Variants in DIP2A observed in about 807,000 individuals in gnomAD.
DIP2A encodes the protein DIP2 acetate--CoA ligase A.
Under a neutral mutation model 177.4 loss-of-function variants are expected in DIP2A, and 85 were observed. The observed-to-expected ratio is 0.48, with a 90% CI of 0.40 to 0.57. DIP2A has a LOEUF of 0.57. Among genes scored for constraint, DIP2A ranks in the 20% least tolerant of loss-of-function variants. The pLI, the probability that DIP2A is intolerant of heterozygous loss-of-function variation, is 0.00. For missense variants in DIP2A, 1,791 were observed against 2,100.2 expected, an observed-to-expected ratio of 0.85 and a Z score of 2.88; for synonymous variants, 886 against 881.8, an observed-to-expected ratio of 1.00 and a Z score of -0.08.
Position 46,565,871 on chromosome 21 carries a change from C to T in DIP2A, c.4323C>T (p.Leu1441=), listed in dbSNP as rs775561631. ...GYLGFLRRTE[L]TDASGGRHDA... is the part of the protein sequence containing the mutation. ...TTGGCTTCCTTCGGCGAACAGAGCT[C>T]ACTGATGCCAGTGGAGGTGAGGGGT... Residue 1441 remains leucine (L), a synonymous_variant, in exon 36 of 38, where the codon CTC becomes CTT. Transcript: ENST00000417564. 1.9e-6 allele frequency: 3 copies of T among 1,613,808 alleles called. No individual in the cohort carries two copies. Among genetic ancestry groups the T allele is most frequent in the South Asian group, 2.2e-5 (2 of 91,072 alleles).
rs372387821 is a variant in DIP2A at position 46,554,660 on chromosome 21, C to G, written c.3240C>G (p.Leu1080=). 6.3e-7 allele frequency: 1 copy of G among 1,583,250 alleles called. No individual in the cohort carries two copies. Among genetic ancestry groups the G allele is most frequent in the African/African-American group, 1.3e-5 (1 of 74,206 alleles). Residue 1080 remains leucine, a synonymous_variant, in exon 27 of 38, where the codon CTC becomes CTG. Transcript: ENST00000417564. ...VTVRPPHPQN[L]GTTLPTVKMI... is the part of the protein sequence containing the mutation. ...TGCGGCCCCCGCACCCTCAGAACCTCGGCACCACACTGCCCACCGTCAAGA... is the reference window on the plus strand; with the variant it reads ...TGCGGCCCCCGCACCCTCAGAACCTGGGCACCACACTGCCCACCGTCAAGA...
rs1168467907 is a variant in DIP2A at position 46,550,633 on chromosome 21, A to G, written c.2728A>G (p.Ile910Val). Reference protein sequence around the residue: ...LPKAPLGGIHISETKQRFLEG... With the variant: ...LPKAPLGGIHVSETKQRFLEG... ...CAAGGCTCCTCTCGGAGGGATTCAC[A>G]TTTCTGAAACCAAACAGCGCTTTCT... is the stretch of plus-strand genomic sequence containing the variant. The change falls in exon 23 of 38, where the codon ATT becomes GTT. Residue 910 changes from isoleucine (I) to valine (V), a missense_variant. Coordinates refer to ENST00000417564, the MANE Select transcript of DIP2A (RefSeq NM_015151.4). 4 of 1,613,794 alleles carry G rather than the reference A, an allele frequency of 2.5e-6. No individual in the cohort carries two copies. The Admixed American group carries it at 6.7e-5, about 27-fold the overall frequency.
chr21:46,582,774 A>AT, the DIP2A span, among the ~76,000 whole-genome samples: 3 of 152,162 alleles, frequency 2.0e-5, no homozygotes, highest in South Asian at 2.1e-4. Context: ...TTTGCTGGTA[A>AT]TTTTTTTAAC....
chr21:46,529,014 T>A, intron 8 of DIP2A, 78 bp from the exon 9 acceptor site: 1 of 822,206 alleles, frequency 1.2e-6, no homozygotes, highest in Non-Finnish European at 1.8e-6. Context: ...TATTTCGGGG[T>A]ATTTTGGTTT....
intron 21 of DIP2A, chr21:46,547,285 G>A: frequency 1.7e-6 from 2 of 1,207,386 alleles, no homozygotes; most frequent in Non-Finnish European, 2.1e-6. Context: ...TAAAATTTGG[G>A]GCAAAGGCTC....
At chr21:46,510,924 C>G (rs186054791) in intron 7 of DIP2A, among the ~76,000 whole-genome samples, 1 of 152,262 alleles carries the variant, frequency 6.6e-6, no homozygotes, top group African/African-American at 2.4e-5. Flanking sequence ...TGAGCCACCA[C>G]GCCCAGCCTA....
intron 6 of DIP2A, among the ~76,000 whole-genome samples, chr21:46,507,540 A>G (rs1457069783): frequency 1.3e-5 from 2 of 151,818 alleles, no homozygotes; most frequent in Non-Finnish European, 2.9e-5. Flanking sequence ...GGAAGGGTCT[A>G]TTTCTGGGCT....
chr21:46,550,706 G>A lies in DIP2A; in HGVS notation c.2801G>A (p.Cys934Tyr). 6.2e-7 allele frequency: 1 copy of A among 1,614,036 alleles called. No individual in the cohort carries two copies. The highest frequency in any genetic ancestry group is 8.5e-7 in the Non-Finnish European group (1 of 1,179,908). Reference protein sequence around the residue: ...PCNVLMCPHTCVTNLPKPRQK... With the variant: ...PCNVLMCPHTYVTNLPKPRQK... ...AATGTGCTGATGTGCCCTCACACCT[G>A]TGTTACCAACCTCCCCAAACCTCGT... Residue 934 changes from cysteine to tyrosine, a missense_variant, in exon 23 of 38, where the codon TGT becomes TAT. Coordinates refer to ENST00000417564, the MANE Select transcript of DIP2A (RefSeq NM_015151.4).
chr21:46,482,424 G>A (rs938477731), intron 1 of DIP2A, among the ~76,000 whole-genome samples: 2 of 152,168 alleles, frequency 1.3e-5, no homozygotes, highest in Non-Finnish European at 2.9e-5. Flanking sequence ...AAACAAACCT[G>A]CTGTGCTGCC....
rs906893883 is a variant in DIP2A at position 46,561,731 on chromosome 21, G to C, written c.4032-17G>C. 3 of 1,613,768 alleles carry C rather than the reference G, an allele frequency of 1.9e-6. No individual in the cohort carries two copies. The highest frequency in any genetic ancestry group is 3.3e-5 in the Admixed American group (2 of 59,990). On this transcript the variant is annotated splice_polypyrimidine_tract_variant and intron_variant, in intron 33 of 37. Coordinates refer to ENST00000417564, the MANE Select transcript of DIP2A (RefSeq NM_015151.4). The stretch of plus-strand genomic sequence containing the variant: ...GTGTAGTAAATTTTGTACTGAAATT[G>C]TTCCCTTAATTTTTAGGGTTCGTTT...
chr21:46,520,226 A>G lies in DIP2A; in HGVS notation c.1102+8612A>G, dbSNP rs542661391. Reference sequence around the variant, plus strand: ...CTCTTGTTTCTCTCTACTTTACTCAATTGTTAAAAGCTGTAAATAGCTCAA... The same window carrying G: ...CTCTTGTTTCTCTCTACTTTACTCAGTTGTTAAAAGCTGTAAATAGCTCAA... On this transcript the variant is annotated intron_variant, in intron 8 of 37. Coordinates refer to ENST00000417564, the MANE Select transcript of DIP2A (RefSeq NM_015151.4). 7.2e-5 allele frequency among the ~76,000 whole-genome samples: 11 copies of G among 152,172 alleles called. No individual in the cohort carries two copies. In the East Asian group the frequency reaches 1.7e-3, roughly 24 times the overall value.
chr21:46,541,438 T>G (rs573122357), intron 17 of DIP2A, among the ~76,000 whole-genome samples: 2 of 152,154 alleles, frequency 1.3e-5, no homozygotes, highest in Non-Finnish European at 2.9e-5. Context: ...TTTGCCGGGC[T>G]TCACAGGGCT....
intron 8 of DIP2A, among the ~76,000 whole-genome samples, chr21:46,513,551 C>A (rs563462280): frequency 6.6e-6 from 1 of 152,248 alleles, no homozygotes; most frequent in Admixed American, 6.5e-5. Flanking sequence ...CTCTTCTTGG[C>A]TCTTTGTATT....
chr21:46,550,571 T>C lies in DIP2A; in HGVS notation c.2666T>C (p.Val889Ala). The change falls in exon 23 of 38, where the codon GTG becomes GCG. Residue 889 changes from valine to alanine, a missense_variant. Val to Ala is a moderately conservative substitution (Grantham distance 64). Transcript: ENST00000417564. ...QAIDSIHQVG[V>A]YCLALVPANT... The stretch of plus-strand genomic sequence containing the variant: ...ATTGATAGCATCCACCAGGTGGGCG[T>C]GTACTGTCTGGCCCTGGTTCCTGCC... The C allele has an allele frequency of 6.2e-7, 1 of 1,613,460 alleles. No individual in the cohort carries two copies. The highest frequency in any genetic ancestry group is 8.5e-7 in the Non-Finnish European group (1 of 1,179,722).
intron 22 of DIP2A, 156 bp downstream of exon 22, chr21:46,550,041 T>G: frequency 2.7e-6 from 4 of 1,456,420 alleles, no homozygotes. Flanking sequence ...AAATTACAGC[T>G]GTATGTATTT....
At chr21:46,538,786 A>G (rs1018772902) in intron 16 of DIP2A, 184 bp downstream of exon 16, 3 of 858,052 alleles carry the variant, frequency 3.5e-6, no homozygotes, top group Non-Finnish European at 5.2e-6. Flanking sequence ...ATGCATGTTT[A>G]TTAGGCCACT....
At chr21:46,470,511 G>A (rs1393400980) in intron 1 of DIP2A, among the ~76,000 whole-genome samples, 5 of 151,536 alleles carry the variant, frequency 3.3e-5, no homozygotes, top group East Asian at 3.9e-4. Flanking sequence ...GGTAGCTCAC[G>A]CCTGTAATTC....
chr21:46,545,314 C>T, intron 19 of DIP2A, 41 bp downstream of exon 19: 2 of 1,569,196 alleles, frequency 1.3e-6, no homozygotes, highest in Non-Finnish European at 1.7e-6. Flanking sequence ...AGTTAAGTTG[C>T]ATGAGCACTC....
chr21:46,579,374 A>G, the DIP2A span, among the ~76,000 whole-genome samples: 8 of 151,786 alleles, frequency 5.3e-5, no homozygotes, highest in African/African-American at 1.2e-4. Context: ...CAGTCTATCT[A>G]TTTTATTAAT....
Sources: gnomAD v4.1 joint callset for allele counts (sites outside exome capture counted in the v4.1 genomes callset) on GRCh38, gnomAD v4.1.1 for gene constraint, MANE v1.5 for transcripts, NCBI Gene and HGNC (gene_info 2026-07-23, HGNC 2026-07-21) for gene names.